SH3PXD2A: variants seen among roughly 807,000 people sequenced by gnomAD.
The protein encoded by SH3PXD2A is SH3 and PX domains 2A.
SH3PXD2A carries 32 observed loss-of-function variants against 115.2 expected under a neutral mutation model. That is an observed-to-expected ratio of 0.28 (90% CI 0.21 to 0.37). The LOEUF is 0.37. Ranked by LOEUF, SH3PXD2A falls within the 10% of genes least tolerant of loss-of-function variation. SH3PXD2A has a pLI of 1.00. For synonymous variants in SH3PXD2A, 610 were observed against 629.1 expected (o/e 0.97, Z 0.45); for missense variants, 1,328 against 1,498.7 (o/e 0.89, Z 1.88).
At chr10:103,790,924 G>A (rs997191669) in intron 2 of SH3PXD2A, among the ~76,000 whole-genome samples, 9 of 152,190 alleles carry the variant, frequency 5.9e-5, no homozygotes, top group Admixed American at 2.6e-4. Context: ...AGCGGACATC[G>A]TTAACATCAG....
At chr10:103,677,287 C>A (rs1456242036) in intron 6 of SH3PXD2A, among the ~76,000 whole-genome samples, 2 of 152,248 alleles carry the variant, frequency 1.3e-5, no homozygotes, top group Admixed American at 1.3e-4. Context: ...ATCAGACACA[C>A]AACCACAGAC....
At chr10:103,778,310 C>T (rs1028899089) in intron 2 of SH3PXD2A, among the ~76,000 whole-genome samples, 4 of 151,976 alleles carry the variant, frequency 2.6e-5, no homozygotes, top group Non-Finnish European at 5.9e-5. Flanking sequence ...CCAGCCTGGG[C>T]GATAGAGCGA....
At chr10:103,714,294 G>T (rs769518087) in intron 5 of SH3PXD2A, among the ~76,000 whole-genome samples, 24 of 152,168 alleles carry the variant, frequency 1.6e-4, no homozygotes, top group Admixed American at 6.5e-5. Flanking sequence ...AACATAGAAT[G>T]CACAAGCCCA....
chr10:103,821,573 G>T (rs1371646589), intron 1 of SH3PXD2A, among the ~76,000 whole-genome samples: 1 of 151,772 alleles, frequency 6.6e-6, no homozygotes, highest in African/African-American at 2.4e-5. Flanking sequence ...TATTATTTGA[G>T]GCAGGGTCTT....
chr10:103,672,239 C>G (rs966060165), intron 6 of SH3PXD2A, among the ~76,000 whole-genome samples: 2 of 152,156 alleles, frequency 1.3e-5, no homozygotes, highest in African/African-American at 4.8e-5. Context: ...GAACCAAGAT[C>G]GTGCCACTGC....
chr10:103,618,377 C>T (rs568623579), intron 10 of SH3PXD2A, among the ~76,000 whole-genome samples: 114 of 152,322 alleles, frequency 7.5e-4, no homozygotes, highest in African/African-American at 2.4e-3. Flanking sequence ...GATAGGTAGA[C>T]CCCAGAGCTG....
chr10:103,753,226 T>C (rs1461811751), intron 3 of SH3PXD2A, among the ~76,000 whole-genome samples: 1 of 143,066 alleles, frequency 7.0e-6, no homozygotes, highest in East Asian at 2.1e-4. Context: ...ACGCCTGTAA[T>C]CCCAGCATTC....
chr10:103,630,452 A>G (rs924014279), intron 8 of SH3PXD2A, among the ~76,000 whole-genome samples: 15 of 152,278 alleles, frequency 9.9e-5, no homozygotes, highest in Middle Eastern at 3.4e-3. Context: ...TTAGTCTGTC[A>G]TCTCTCTGGA....
At position 103,664,800 on chromosome 10, in the gene SH3PXD2A, G is replaced by A. The variant is rs1371765413; in HGVS notation, c.473-3686C>T. Among the ~76,000 whole-genome samples the A allele has an allele frequency of 3.3e-5, 5 of 152,040 alleles. No individual in the cohort carries two copies. In the East Asian group the frequency reaches 7.7e-4, roughly 24 times the overall value. On this transcript the variant is annotated intron_variant, in intron 7 of 14. Transcript: ENST00000369774. ...TCCAGCCTCAGCCTCCCGAGTAGCT[G>A]GGATTACAGGTGCCCACCACCATAC...
In SH3PXD2A at chr10:103,735,773, C is replaced by T. The variant is rs140324699; in HGVS notation, c.265G>A (p.Val89Ile). ...ILFRRSHIRD[V>I]AVKRLKPIDE... The stretch of plus-strand genomic sequence containing the variant: ...ATGGGCTTCAGTCTCTTCACAGCTA[C>T]GTCCCGGATGTGGCTTCTGCGGAAG... Residue 89 changes from valine (V) to isoleucine (I), a missense_variant, in exon 4 of 15, where the codon GTA becomes ATA. Coordinates refer to ENST00000369774, the MANE Select transcript of SH3PXD2A (RefSeq NM_001394015.1). 395 of 1,606,922 alleles carry T rather than the reference C, an allele frequency of 2.5e-4. No individual in the cohort carries two copies. The highest frequency in any genetic ancestry group is 3.2e-4 in the Non-Finnish European group (379 of 1,175,888).
rs536107321 is a variant in SH3PXD2A, at chr10:103,746,444, G to A, written c.230-10636C>T. Among the ~76,000 whole-genome samples the A allele has an allele frequency of 5.9e-5, 9 of 151,990 alleles. No homozygotes were observed. The highest frequency in any genetic ancestry group is 1.9e-4 in the East Asian group (1 of 5,166). The stretch of plus-strand genomic sequence containing the variant: ...AAGTGATTCTCCCACTTCAGCCTCC[G>A]GAGTAGCTGGGATTACAGGCATGCG... On this transcript the variant is annotated intron_variant, in intron 3 of 14. Transcript: ENST00000369774. The surrounding 1 kb of genome is among the most constrained non-coding windows in gnomAD (Gnocchi z 4.4).
At chr10:103,660,871 G>T (rs910487781) in intron 8 of SH3PXD2A, 112 bp downstream of exon 8, 1 of 1,244,288 alleles carries the variant, frequency 8.0e-7, no homozygotes. Flanking sequence ...CTCTCTGCCA[G>T]ATGGAAATAA....
chr10:103,656,219 C>T (rs1404962618), intron 8 of SH3PXD2A, among the ~76,000 whole-genome samples: 1 of 152,208 alleles, frequency 6.6e-6, no homozygotes, highest in Non-Finnish European at 1.5e-5. Flanking sequence ...CACCAACAGC[C>T]TCTGCTGAAG....
chr10:103,712,129 T>C lies in SH3PXD2A; in HGVS notation c.398+12141A>G, dbSNP rs75983093. 4.7e-3 allele frequency among the ~76,000 whole-genome samples: 716 copies of C among 151,990 alleles called. 7 individuals are homozygous for C. Among genetic ancestry groups the C allele is most frequent in the African/African-American group, 0.017 (695 of 41,460 alleles). On this transcript the variant is annotated intron_variant, in intron 5 of 14. Coordinates refer to ENST00000369774, the MANE Select transcript of SH3PXD2A (RefSeq NM_001394015.1). Reference sequence around the variant, plus strand: ...TAAGGGAGATGGAACTGCTCTAAAATTGGATTGTGGTGATGGTTGCACAAC... The same window carrying C: ...TAAGGGAGATGGAACTGCTCTAAAACTGGATTGTGGTGATGGTTGCACAAC...
intron 4 of SH3PXD2A, 41 bp downstream of exon 4, chr10:103,735,691 C>T (rs1162851947): frequency 7.5e-7 from 1 of 1,334,008 alleles, no homozygotes; most frequent in East Asian, 2.3e-5. Flanking sequence ...CTCCCTGAAG[C>T]CCTCCCCGAG....
At chr10:103,631,168 G>A (rs750378750) in intron 8 of SH3PXD2A, among the ~76,000 whole-genome samples, 16 of 152,142 alleles carry the variant, frequency 1.1e-4, no homozygotes, top group Non-Finnish European at 1.9e-4. Context: ...GGGAGGCTGA[G>A]GTGGGAGGAT....
rs189919041 is a variant in SH3PXD2A at position 103,790,444 on chromosome 10, G to A, written c.153+10838C>T. 4.6e-5 allele frequency among the ~76,000 whole-genome samples: 7 copies of A among 152,232 alleles called. No homozygotes were observed. In the East Asian group the frequency reaches 9.7e-4, roughly 21 times the overall value. ...GCTGGGATTACAGGTGTGAGCCACCGCGCCCGGCCCAGAAAGAGGACTTCT... is the reference window on the plus strand; with the variant it reads ...GCTGGGATTACAGGTGTGAGCCACCACGCCCGGCCCAGAAAGAGGACTTCT... On this transcript the variant is annotated intron_variant, in intron 2 of 14. Coordinates refer to ENST00000369774, the MANE Select transcript of SH3PXD2A (RefSeq NM_001394015.1).
At chr10:103,841,990 T>G (rs1350446603) in intron 1 of SH3PXD2A, among the ~76,000 whole-genome samples, 1 of 152,006 alleles carries the variant, frequency 6.6e-6, no homozygotes, top group Non-Finnish European at 1.5e-5. Context: ...CTGGGTGTGG[T>G]GGCGGGTGCC....
intron 5 of SH3PXD2A, among the ~76,000 whole-genome samples, chr10:103,712,372 G>A (rs1219039473): frequency 1.3e-5 from 2 of 152,298 alleles, no homozygotes; most frequent in Admixed American, 6.5e-5. Context: ...CATGAGAGAG[G>A]GTGTGGGAAG....
Sources: gnomAD v4.1 joint callset for allele counts (sites outside exome capture counted in the v4.1 genomes callset) on GRCh38, gnomAD v4.1.1 for gene constraint, Gnocchi (gnomAD v3.1) non-coding constraint, MANE v1.5 for transcripts, NCBI Gene and HGNC (gene_info 2026-07-23, HGNC 2026-07-21) for gene names.